TTC6: variants seen among roughly 807,000 people sequenced by gnomAD.
TTC6 encodes the protein tetratricopeptide repeat protein 6.
TTC6 carries 172 observed loss-of-function variants against 210.4 expected under a neutral mutation model. The observed-to-expected ratio is 0.82, with a 90% confidence interval of 0.72 to 0.93. The LOEUF (loss-of-function observed/expected upper bound fraction) is 0.93. Ranked by LOEUF, TTC6 falls within the 40% of genes least tolerant of loss-of-function variation. The probability of loss-of-function intolerance (pLI) is 0.00; values close to 1 mark genes in which losing one functional copy is unlikely to be tolerated. For missense variants in TTC6, 2,414 were observed against 2,318.1 expected, an observed-to-expected ratio of 1.04 and a Z score of -0.85; for synonymous variants, 804 against 819.6, an observed-to-expected ratio of 0.98 and a Z score of 0.32.
intron 1 of TTC6, among the ~76,000 whole-genome samples, chr14:37,600,475 C>G (rs957078954): frequency 6.6e-6 from 1 of 152,144 alleles, no homozygotes; most frequent in Admixed American, 6.5e-5. Context: ...GGCCAGCCCC[C>G]GCCAATCCAC....
intron 14 of TTC6, among the ~76,000 whole-genome samples, chr14:37,766,393 A>G (rs1291679910): frequency 2.6e-5 from 4 of 152,112 alleles, no homozygotes; most frequent in Non-Finnish European, 2.9e-5. Context: ...CCCCATGTCT[A>G]TTGTTCCCTT....
chr14:37,650,562 T>C (rs185702897), intron 1 of TTC6, among the ~76,000 whole-genome samples: 49 of 152,326 alleles, frequency 3.2e-4, no homozygotes, highest in African/African-American at 1.2e-3. Flanking sequence ...TATGGGAAAG[T>C]GTGTGAGCTT....
intron 26 of TTC6, among the ~76,000 whole-genome samples, chr14:37,821,019 CTTCCTCTTCT>C (rs2096155291): frequency 5.9e-5 from 3 of 51,212 alleles, no homozygotes; most frequent in Non-Finnish European, 9.5e-5. Flanking sequence ...TCTTCTTCTT[CTTCCTCTTCT>C]TCTTCTTCTT....
chr14:37,775,537 T>C (rs947158161), intron 14 of TTC6, among the ~76,000 whole-genome samples: 2 of 152,202 alleles, frequency 1.3e-5, no homozygotes, highest in East Asian at 1.9e-4. Flanking sequence ...TTTTGTGGCT[T>C]TTGAGCAATT....
At chr14:37,753,769 G>A (rs1038878005) in intron 14 of TTC6, among the ~76,000 whole-genome samples, 5 of 149,326 alleles carry the variant, frequency 3.3e-5, no homozygotes, top group Non-Finnish European at 5.9e-5. Flanking sequence ...TTGTGGAAAT[G>A]GGATCTCGCT....
intron 26 of TTC6, among the ~76,000 whole-genome samples, chr14:37,823,070 T>C (rs2096161657): frequency 6.6e-6 from 1 of 152,180 alleles, no homozygotes; most frequent in African/African-American, 2.4e-5. Flanking sequence ...TAGATATGCA[T>C]ATGAAATGGA....
At chr14:37,682,906 C>T in exon 3 of TTC6, 2 of 1,535,538 alleles carry the variant, frequency 1.3e-6, no homozygotes, top group African/African-American at 1.4e-5. Flanking sequence ...TTAAGTAAAC[C>T]TTTGGAAGAT....
At chr14:37,822,633 A>G (rs538426357) in intron 26 of TTC6, among the ~76,000 whole-genome samples, 1 of 152,312 alleles carries the variant, frequency 6.6e-6, no homozygotes, top group Admixed American at 6.5e-5. Flanking sequence ...TCAGGCTCAA[A>G]TCTAAACTCC....
At chr14:37,817,082 C>A (rs2096143751) in intron 25 of TTC6, among the ~76,000 whole-genome samples, 1 of 152,138 alleles carries the variant, frequency 6.6e-6, no homozygotes, top group African/African-American at 2.4e-5. Context: ...AGTGTGGATT[C>A]CAAAGGCAGG....
chr14:37,695,040 CAAAAA>C (rs57506038), intron 3 of TTC6, among the ~76,000 whole-genome samples: 1 of 57,246 alleles, frequency 1.7e-5, no homozygotes, highest in Non-Finnish European at 3.2e-5. Context: ...GGCCCTGTCT[CAAAAA>C]AAAAAAAAAA....
chr14:37,675,435 A>G (rs766760755), intron 1 of TTC6, among the ~76,000 whole-genome samples: 4 of 152,132 alleles, frequency 2.6e-5, no homozygotes, highest in Non-Finnish European at 4.4e-5. Flanking sequence ...ATGGTATTCC[A>G]TTGTATGGAT....
chr14:37,632,736 G>A (rs1396435269), intron 1 of TTC6, among the ~76,000 whole-genome samples: 1 of 152,214 alleles, frequency 6.6e-6, no homozygotes, highest in Non-Finnish European at 1.5e-5. Flanking sequence ...CTTCCACCAG[G>A]TGCTCTGTCC....
Position 37,701,326 on chromosome 14 carries a change from T to A in TTC6, c.1377-6T>A. The stretch of plus-strand genomic sequence containing the variant: ...AAAGGAGCTCACTTTCTTTTCTCTG[T>A]TGCAGAATTCCACAAGACTACTCCA... On this transcript the variant is annotated splice_region_variant and splice_polypyrimidine_tract_variant and intron_variant, in intron 4 of 30. Coordinates refer to ENST00000553443, the Ensembl canonical transcript of TTC6. 7.2e-7 allele frequency: 1 copy of A among 1,384,422 alleles called. No individual in the cohort carries two copies. The highest frequency in any genetic ancestry group is 2.7e-5 in the East Asian group (1 of 37,412). 85.8% of individuals were successfully genotyped at this position (1,384,422 alleles called of 1,614,324 possible). A position where few individuals can be genotyped will look rare whatever the true frequency, so the allele number is the denominator to read the frequency against.
intron 20 of TTC6, 54 bp from the exon 23 acceptor site, chr14:37,804,626 T>A: frequency 6.3e-7 from 1 of 1,587,460 alleles, no homozygotes; most frequent in African/African-American, 1.4e-5. Flanking sequence ...TAACGTTAAA[T>A]CAATAGTGGA....
intron 3 of TTC6, among the ~76,000 whole-genome samples, chr14:37,685,800 T>C (rs950615975): frequency 9.9e-5 from 15 of 152,122 alleles, no homozygotes; most frequent in Non-Finnish European, 1.5e-4. Context: ...GCTGCTGCAG[T>C]GGGAGAGGTG....
intron 19 of TTC6, 64 bp downstream of exon 21, chr14:37,796,434 T>C: frequency 2.9e-6 from 2 of 693,978 alleles, no homozygotes; most frequent in African/African-American, 1.9e-5. Context: ...TATTTTGCAA[T>C]AGTTATGTAT....
At chr14:37,622,320 G>A (rs1363028398) in exon 1 of TTC6, 2 of 1,533,588 alleles carry the variant, frequency 1.3e-6, no homozygotes, top group Non-Finnish European at 1.7e-6. Context: ...TGCGATGTCC[G>A]CGGCCGCCCT....
intron 5 of TTC6, among the ~76,000 whole-genome samples, chr14:37,708,232 T>C (rs1300714992): frequency 6.6e-6 from 1 of 151,998 alleles, no homozygotes; most frequent in African/African-American, 2.4e-5. Flanking sequence ...ACTTACTGTC[T>C]CTACTAATGA....
intron 3 of TTC6, among the ~76,000 whole-genome samples, chr14:37,685,803 G>A (rs2095792609): frequency 6.6e-6 from 1 of 152,152 alleles, no homozygotes; most frequent in Non-Finnish European, 1.5e-5. Context: ...GCTGCAGTGG[G>A]AGAGGTGCCA....
Sources: gnomAD v4.1 joint callset for allele counts (sites outside exome capture counted in the v4.1 genomes callset) on GRCh38, gnomAD v4.1.1 for gene constraint, MANE v1.5 for transcripts, NCBI Gene and HGNC (gene_info 2026-07-23, HGNC 2026-07-21) for gene names.